Variants in VPS45 observed in about 807,000 individuals in gnomAD.
VPS45 encodes the protein vacuolar protein sorting 45 homolog.
In VPS45, 35 loss-of-function variants were observed where a neutral mutation model predicts 75.9. The observed-to-expected ratio is 0.46, with a 90% CI of 0.35 to 0.61. The LOEUF (loss-of-function observed/expected upper bound fraction) is 0.61, where lower values mean the gene tolerates loss of function less well. Ranked by LOEUF, VPS45 falls within the 20% of genes least tolerant of loss-of-function variation. VPS45 has a pLI of 0.00. For missense variants in VPS45, 559 were observed against 685.9 expected (o/e 0.81, Z 2.07); for synonymous variants, 220 against 238.2 (o/e 0.92, Z 0.70).
At position 150,067,819 on chromosome 1, in the gene VPS45, G is replaced by C. The variant is rs2101472035; in HGVS notation, c.-39G>C. 2 of 1,598,290 alleles carry C rather than the reference G, an allele frequency of 1.3e-6. No homozygotes were observed. The highest frequency in any genetic ancestry group is 2.2e-5 in the South Asian group (2 of 90,584). On this transcript the variant is annotated 5_prime_UTR_variant, in exon 1 of 15. Coordinates refer to ENST00000644510, the MANE Select transcript of VPS45 (RefSeq NM_007259.5). ...TGGGGGTTAATTTAGCCAGAAAAGG[G>C]GGCGGGAAGGGCTGTAGGGTACTTG... is the stretch of plus-strand genomic sequence containing the variant.
In VPS45 at chr1:150,075,971, C is replaced by T. The variant is rs587651554; in HGVS notation, c.290-262C>T. The stretch of plus-strand genomic sequence containing the variant: ...GTTTCACCGTGTTAGCCAGGATGGT[C>T]TCGATCTCCTGACCTCATGATCCAC... On this transcript the variant is annotated intron_variant, in intron 3 of 14. Coordinates refer to ENST00000644510, the MANE Select transcript of VPS45 (RefSeq NM_007259.5). 5.6e-3 allele frequency among the ~76,000 whole-genome samples: 843 copies of T among 151,532 alleles called. 3 individuals carry two copies. Among genetic ancestry groups the T allele is most frequent in the African/African-American group, 0.02 (806 of 41,234 alleles).
At chr1:150,077,492 C>A in intron 6 of VPS45, 177 bp from the exon 7 acceptor site, 1 of 673,816 alleles carries the variant, frequency 1.5e-6, no homozygotes, top group Non-Finnish European at 2.5e-6. Context: ...GGTTTCATAT[C>A]CTAACCTCTT....
At chr1:150,104,957 C>T (rs1440204308) in intron 13 of VPS45, among the ~76,000 whole-genome samples, 4 of 152,076 alleles carry the variant, frequency 2.6e-5, no homozygotes, top group African/African-American at 9.7e-5. Flanking sequence ...TGTGCATTTG[C>T]TCCCCTCCCT....
intron 13 of VPS45, among the ~76,000 whole-genome samples, chr1:150,104,936 A>C (rs1281971864): frequency 6.6e-6 from 1 of 152,094 alleles, no homozygotes; most frequent in Non-Finnish European, 1.5e-5. Context: ...GACATGAGCA[A>C]GGATGTACCC....
chr1:150,111,421 C>T (rs1657642639), intron 14 of VPS45, among the ~76,000 whole-genome samples: 1 of 152,124 alleles, frequency 6.6e-6, no homozygotes, highest in Non-Finnish European at 1.5e-5. Flanking sequence ...GATTGAATGC[C>T]ATCATTGTGG....
chr1:150,076,581 A>C (rs909526714), intron 4 of VPS45: 24 of 475,120 alleles, frequency 5.1e-5, no homozygotes, highest in Middle Eastern at 1.1e-3. Flanking sequence ...ATTGGACAGC[A>C]AAGTTCTTTT....
In VPS45 at chr1:150,077,672, G is replaced by A. The variant is rs587713385; in HGVS notation, c.580G>A (p.Val194Met). 1.1e-5 allele frequency: 17 copies of A among 1,611,720 alleles called. No homozygotes were observed. The Admixed American group carries it at 2.7e-4, about 25-fold the overall frequency. The stretch of plus-strand genomic sequence containing the variant: ...CATCTTTCTCTCTCACCCACAGCAA[G>A]TGATAACTAAAGAATATGAACTGTT... ...AKRLAECVKQVITKEYELFEF... is the reference protein window; with the variant it reads ...AKRLAECVKQMITKEYELFEF... Residue 194 changes from valine to methionine, a missense_variant, in exon 7 of 15, where the codon GTG (valine) becomes ATG (methionine). Val to Met is a conservative substitution (Grantham distance 21, BLOSUM62 1). Coordinates refer to ENST00000644510, the MANE Select transcript of VPS45 (RefSeq NM_007259.5).
intron 8 of VPS45, 49 bp downstream of exon 8, chr1:150,081,525 G>T: frequency 6.4e-7 from 1 of 1,570,416 alleles, no homozygotes; most frequent in East Asian, 2.3e-5. Flanking sequence ...TTTTATGTAA[G>T]AAGATCAATA....
intron 13 of VPS45, among the ~76,000 whole-genome samples, chr1:150,108,495 T>G (rs1234663348): frequency 4.0e-5 from 6 of 151,888 alleles, no homozygotes; most frequent in Non-Finnish European, 8.8e-5. Flanking sequence ...AGAGAATGAG[T>G]TTAGATTAAG....
At chr1:150,139,607 G>A (rs782010413) in intron 14 of VPS45, among the ~76,000 whole-genome samples, 9 of 152,080 alleles carry the variant, frequency 5.9e-5, no homozygotes, top group Non-Finnish European at 1.2e-4. Context: ...GGGTGCAATG[G>A]GATGATCATA....
chr1:150,074,756 A>T (rs1382979319), intron 3 of VPS45, among the ~76,000 whole-genome samples: 1 of 152,264 alleles, frequency 6.6e-6, no homozygotes, highest in East Asian at 1.9e-4. Flanking sequence ...TTCAACAATT[A>T]TTGAGCCTCA....
chr1:150,137,540 A>C (rs1381463494), intron 14 of VPS45, among the ~76,000 whole-genome samples: 3 of 152,072 alleles, frequency 2.0e-5, no homozygotes, highest in Admixed American at 6.6e-5. Flanking sequence ...TACCTCACCT[A>C]CACCGGGATA....
chr1:150,133,798 C>T (rs1658944401), intron 14 of VPS45, among the ~76,000 whole-genome samples: 1 of 152,166 alleles, frequency 6.6e-6, no homozygotes, highest in Admixed American at 6.5e-5. Context: ...TCTCTGAGTT[C>T]TGTCCTTGAG....
chr1:150,098,830 A>AT (rs781814170), intron 13 of VPS45: 323 of 1,239,896 alleles, frequency 2.6e-4, no homozygotes, highest in Admixed American at 6.7e-4. Flanking sequence ...TTTCAAGCTA[A>AT]TTTTTTTTTC....
At chr1:150,126,127 T>G (rs1056269771) in intron 14 of VPS45, among the ~76,000 whole-genome samples, 1 of 152,146 alleles carries the variant, frequency 6.6e-6, no homozygotes, top group African/African-American at 2.4e-5. Flanking sequence ...AAGGATAAAT[T>G]AGTATAACTT....
chr1:150,084,239 T>G (rs184571511), intron 10 of VPS45, among the ~76,000 whole-genome samples: 87 of 152,308 alleles, frequency 5.7e-4, no homozygotes, highest in African/African-American at 2.0e-3. Flanking sequence ...TGAAGAGGCT[T>G]GTAAGAATTT....
chr1:150,126,448 C>T (rs1311103154), intron 14 of VPS45, among the ~76,000 whole-genome samples: 2 of 151,848 alleles, frequency 1.3e-5, no homozygotes, highest in African/African-American at 2.4e-5. Flanking sequence ...CTCCTGACCT[C>T]GTGATCCGCC....
At chr1:150,136,861 G>A (rs1659130532) in intron 14 of VPS45, among the ~76,000 whole-genome samples, 1 of 151,592 alleles carries the variant, frequency 6.6e-6, no homozygotes, top group African/African-American at 2.4e-5. Context: ...GGGGCAGGAT[G>A]ATCTCTGTGT....
chr1:150,068,085 G>T (rs1654826329), intron 1 of VPS45, 135 bp downstream of exon 1: 3 of 925,260 alleles, frequency 3.2e-6, no homozygotes, highest in Non-Finnish European at 4.9e-6. Flanking sequence ...TTGAAAAGTT[G>T]TTTATATAAA....
Sources: allele counts gnomAD v4.1 joint callset (sites outside exome capture counted in the v4.1 genomes callset), GRCh38; gene constraint gnomAD v4.1.1; transcripts MANE v1.5; gene names NCBI Gene and HGNC (gene_info 2026-07-23, HGNC 2026-07-21).